Variants in ADAMTS3 observed in about 807,000 individuals in gnomAD.
ADAMTS3 encodes A disintegrin and metalloproteinase with thrombospondin motifs 3.
ADAMTS3 carries 73 observed loss-of-function variants against 129.0 expected under a neutral mutation model. That is an observed-to-expected ratio of 0.57 (90% CI 0.47 to 0.69). The LOEUF (loss-of-function observed/expected upper bound fraction) is 0.69. Ranked by LOEUF, ADAMTS3 falls within the 30% of genes least tolerant of loss-of-function variation. ADAMTS3 has a pLI of 0.00. For synonymous variants in ADAMTS3, 477 were observed against 510.8 expected (o/e 0.93, Z 0.89); for missense variants, 1,457 against 1,514.5 (o/e 0.96, Z 0.63).
chr4:72,291,839 A>G (rs543040784), intron 19 of ADAMTS3, among the ~76,000 whole-genome samples: 1 of 152,298 alleles, frequency 6.6e-6, no homozygotes, highest in East Asian at 1.9e-4. Context: ...GACTTCCACA[A>G]TGGTTGAACT....
intron 4 of ADAMTS3, among the ~76,000 whole-genome samples, chr4:72,398,850 A>AC (rs1721796177): frequency 1.3e-5 from 2 of 152,068 alleles, no homozygotes; most frequent in South Asian, 4.2e-4. Flanking sequence ...TTCAACCCCT[A>AC]CCCTCCAACA....
intron 5 of ADAMTS3, among the ~76,000 whole-genome samples, chr4:72,329,041 G>C (rs10013120): frequency 6.6e-6 from 1 of 152,194 alleles, no homozygotes; most frequent in Non-Finnish European, 1.5e-5. Flanking sequence ...CTACTGTTTA[G>C]TGATATACTC....
At chr4:72,296,009 T>C (rs1294735790) in intron 18 of ADAMTS3, among the ~76,000 whole-genome samples, 1 of 152,086 alleles carries the variant, frequency 6.6e-6, no homozygotes, top group Non-Finnish European at 1.5e-5. Flanking sequence ...TGCAACTGCA[T>C]GCATGTTAAA....
At chr4:72,373,070 T>C (rs1302007284) in intron 4 of ADAMTS3, among the ~76,000 whole-genome samples, 1 of 152,178 alleles carries the variant, frequency 6.6e-6, no homozygotes, top group Non-Finnish European at 1.5e-5. Context: ...ATTGTGATAA[T>C]TGTTCTTCTG....
At chr4:72,561,032 G>T (rs949221703) in intron 2 of ADAMTS3, among the ~76,000 whole-genome samples, 1 of 152,052 alleles carries the variant, frequency 6.6e-6, no homozygotes, top group South Asian at 2.1e-4. Flanking sequence ...TCCTCTCCTG[G>T]ATATATAGAT....
chr4:72,329,172 C>G (rs1195408358), intron 5 of ADAMTS3, among the ~76,000 whole-genome samples: 1 of 151,870 alleles, frequency 6.6e-6, no homozygotes, highest in East Asian at 1.9e-4. Flanking sequence ...GCAAAACAGC[C>G]TATAAGCATG....
chr4:72,533,672 C>CATAAGT (rs1721109671), intron 3 of ADAMTS3, among the ~76,000 whole-genome samples: 1 of 151,446 alleles, frequency 6.6e-6, no homozygotes, highest in Non-Finnish European at 1.5e-5. Context: ...TGTATATGCA[C>CATAAGT]ATATATGCAC....
intron 3 of ADAMTS3, among the ~76,000 whole-genome samples, chr4:72,429,386 T>G (rs1255166330): frequency 6.6e-6 from 1 of 152,088 alleles, no homozygotes; most frequent in East Asian, 1.9e-4. Context: ...AAACGTATTC[T>G]TTCATTCAGT....
intron 3 of ADAMTS3, among the ~76,000 whole-genome samples, chr4:72,537,327 T>C (rs1721206610): frequency 6.6e-6 from 1 of 152,230 alleles, no homozygotes; most frequent in Non-Finnish European, 1.5e-5. Flanking sequence ...ATAGCCTTTT[T>C]TGTTACTCCC....
At chr4:72,465,524 C>T (rs1381124917) in intron 3 of ADAMTS3, among the ~76,000 whole-genome samples, 1 of 151,912 alleles carries the variant, frequency 6.6e-6, no homozygotes, top group Non-Finnish European at 1.5e-5. Flanking sequence ...GTTTTAATGT[C>T]CACTCTGACT....
intron 3 of ADAMTS3, among the ~76,000 whole-genome samples, chr4:72,475,605 C>A (rs903632105): frequency 3.3e-5 from 5 of 151,722 alleles, no homozygotes; most frequent in South Asian, 2.1e-4. Context: ...AACAGCTAGA[C>A]AAAAAATTAG....
At chr4:72,468,694 G>T (rs1028144047) in intron 3 of ADAMTS3, among the ~76,000 whole-genome samples, 7 of 151,450 alleles carry the variant, frequency 4.6e-5, no homozygotes, top group Non-Finnish European at 1.0e-4. Context: ...GAACAACATT[G>T]CATCAAACAC....
intron 3 of ADAMTS3, among the ~76,000 whole-genome samples, chr4:72,426,315 C>A (rs1186082639): frequency 6.6e-6 from 1 of 152,084 alleles, no homozygotes; most frequent in Non-Finnish European, 1.5e-5. Context: ...GTTTCTTTTG[C>A]TGTGCAGAAG....
intron 3 of ADAMTS3, among the ~76,000 whole-genome samples, chr4:72,526,604 G>GTGTGTGTGTGTA (rs1720814358): frequency 6.8e-6 from 1 of 147,278 alleles, no homozygotes; most frequent in Non-Finnish European, 1.5e-5. Context: ...GTGTGTGTGT[G>GTGTGTGTGTGTA]TAGAGTCCAT....
At chr4:72,367,742 T>C (rs994150048) in intron 4 of ADAMTS3, among the ~76,000 whole-genome samples, 3 of 151,148 alleles carry the variant, frequency 2.0e-5, no homozygotes, top group African/African-American at 4.9e-5. Context: ...CCCAGCTACT[T>C]GGGAGGCTGA....
Position 72,298,334 on chromosome 4 carries a change from C to T in ADAMTS3, c.2533G>A (p.Asp845Asn). The change falls in exon 18 of 22, where the codon GAT (aspartate) becomes AAT (asparagine). Residue 845 changes from aspartate (D) to asparagine (N), a missense_variant. By Grantham distance (23) the Asp-to-Asn change is conservative. Coordinates refer to ENST00000286657, the MANE Select transcript of ADAMTS3 (RefSeq NM_014243.3). ...CTCTTCAAAGCCCACTCAAAAGTAT[C>T]TAATTCTTCCTGGATGACATTGTTG... is the stretch of plus-strand genomic sequence containing the variant. ...NSNNVIQEEL[D>N]TFEWALKSWS... The T allele has an allele frequency of 1.2e-6, 2 of 1,613,176 alleles. No homozygotes were observed. The highest frequency in any genetic ancestry group is 1.7e-6 in the Non-Finnish European group (2 of 1,179,380).
At chr4:72,500,497 T>G (rs1351149113) in intron 3 of ADAMTS3, among the ~76,000 whole-genome samples, 1 of 152,170 alleles carries the variant, frequency 6.6e-6, no homozygotes, top group African/African-American at 2.4e-5. Context: ...AAGTTCCCTA[T>G]AGATTCTGGA....
At position 72,283,226 on chromosome 4, in the gene ADAMTS3, T is replaced by C; in HGVS notation, c.3528A>G (p.Ile1176Met). 1.9e-6 allele frequency: 3 copies of C among 1,614,016 alleles called. No homozygotes were observed. The South Asian group carries it at 3.3e-5, about 18-fold the overall frequency. Residue 1176 changes from isoleucine (I) to methionine (M), a missense_variant, in exon 22 of 22, where the codon ATA (isoleucine) becomes ATG (methionine). Ile to Met is a conservative substitution (Grantham distance 10, BLOSUM62 1). Transcript: ENST00000286657. ...AGGTTCTTGCCTGAGAAGAAGCACC[T>C]ATTGAATCACTGGCTGCAAAGAAGG... ...AASFFAASDS[I>M]GASSQARTSK...
chr4:72,446,953 A>C (rs1232970005), intron 3 of ADAMTS3, among the ~76,000 whole-genome samples: 3 of 151,768 alleles, frequency 2.0e-5, no homozygotes, highest in Non-Finnish European at 4.4e-5. Context: ...TTTACATGGA[A>C]AGAAAAGAAA....
Sources: gnomAD v4.1 joint callset for allele counts (sites outside exome capture counted in the v4.1 genomes callset) on GRCh38, gnomAD v4.1.1 for gene constraint, MANE v1.5 for transcripts, NCBI Gene and HGNC (gene_info 2026-07-23, HGNC 2026-07-21) for gene names.